The following CCDC38 variants were observed in gnomAD, a reference collection of about 807,000 sequenced individuals.
CCDC38 encodes the protein coiled-coil domain-containing protein 38.
CCDC38 carries 69 observed loss-of-function variants against 72.8 expected under a neutral mutation model. The ratio of observed to expected loss-of-function variants is 0.95; its 90% CI spans 0.78 to 1.16. CCDC38 has a LOEUF of 1.16. Ranked by LOEUF, CCDC38 falls within the 50% of genes most tolerant of loss-of-function variation. The pLI is 0.00. For missense variants in CCDC38, 626 were observed against 638.9 expected (o/e 0.98, Z 0.22); for synonymous variants, 201 against 213.2 (o/e 0.94, Z 0.50).
At chr12:95,875,015 A>G (rs2121417248) in intron 13 of CCDC38, among the ~76,000 whole-genome samples, 1 of 152,348 alleles carries the variant, frequency 6.6e-6, no homozygotes, top group Non-Finnish European at 1.5e-5. Context: ...CACATTGAAC[A>G]GTGGAGCAGT....
At chr12:95,891,358 T>G (rs2079825059) in intron 8 of CCDC38, among the ~76,000 whole-genome samples, 1 of 152,152 alleles carries the variant, frequency 6.6e-6, no homozygotes. Context: ...TTATTTTATT[T>G]TTTTGGGGAC....
intron 3 of CCDC38, 115 bp from the exon 4 acceptor site, chr12:95,917,409 C>T: frequency 1.2e-6 from 1 of 803,856 alleles, no homozygotes; most frequent in Non-Finnish European, 1.9e-6. Flanking sequence ...ATTAAAAAAA[C>T]AACCCCAGGT....
chr12:95,896,453 T>A (rs552624117), intron 7 of CCDC38: 11 of 152,342 alleles, frequency 7.2e-5, no homozygotes, highest in African/African-American at 2.6e-4. Context: ...TATTACTTTG[T>A]ATCAATGTTT....
chr12:95,906,972 C>T (rs552102209), intron 4 of CCDC38, among the ~76,000 whole-genome samples: 2 of 151,230 alleles, frequency 1.3e-5, no homozygotes, highest in South Asian at 4.2e-4. Flanking sequence ...ACCCTGCGGC[C>T]TTCCGCAGCG....
chr12:95,892,719 G>A (rs373679444), intron 8 of CCDC38, among the ~76,000 whole-genome samples: 23 of 151,632 alleles, frequency 1.5e-4, no homozygotes, highest in Admixed American at 1.1e-3. Context: ...ACAGGCATGC[G>A]CCACCATGCC....
intron 7 of CCDC38, 91 bp from the exon 8 acceptor site, chr12:95,895,237 T>A: frequency 1.3e-6 from 1 of 787,332 alleles, no homozygotes; most frequent in Non-Finnish European, 1.9e-6. Flanking sequence ...TTCTCTTATG[T>A]ACTGAATTAA....
At chr12:95,870,012 C>T (rs538031500) in intron 14 of CCDC38, among the ~76,000 whole-genome samples, 2 of 152,128 alleles carry the variant, frequency 1.3e-5, no homozygotes, top group East Asian at 1.9e-4. Flanking sequence ...TTAGTAGAGA[C>T]GGGGTGTCAC....
At chr12:95,923,343 GA>G (rs1226966611) in intron 2 of CCDC38, among the ~76,000 whole-genome samples, 1 of 151,958 alleles carries the variant, frequency 6.6e-6, no homozygotes, top group African/African-American at 2.4e-5. Flanking sequence ...GGTGTTTACA[GA>G]GTCCATGGAC....
At chr12:95,882,605 A>T (rs1381807004) in intron 10 of CCDC38, among the ~76,000 whole-genome samples, 1 of 152,188 alleles carries the variant, frequency 6.6e-6, no homozygotes, top group Non-Finnish European at 1.5e-5. Context: ...AAAGCATTTG[A>T]CATTACAGTC....
intron 10 of CCDC38, among the ~76,000 whole-genome samples, chr12:95,886,515 G>A (rs2079760875): frequency 6.6e-6 from 1 of 151,632 alleles, no homozygotes; most frequent in Non-Finnish European, 1.5e-5. Context: ...CCTATTAAGA[G>A]GATAAAAAAG....
chr12:95,923,685 C>G (rs1409981064), intron 2 of CCDC38, among the ~76,000 whole-genome samples: 1 of 152,114 alleles, frequency 6.6e-6, no homozygotes, highest in Non-Finnish European at 1.5e-5. Flanking sequence ...AATGCTATCC[C>G]TCCCCACTCC....
intron 5 of CCDC38, among the ~76,000 whole-genome samples, chr12:95,901,530 A>G (rs549509537): frequency 6.4e-4 from 97 of 152,298 alleles, no homozygotes; most frequent in Non-Finnish European, 8.8e-4. Context: ...AGACAGAGCA[A>G]AGGGTAAGGA....
chr12:95,884,603 G>T (rs1333922301), intron 10 of CCDC38, among the ~76,000 whole-genome samples: 2 of 152,258 alleles, frequency 1.3e-5, no homozygotes, highest in Non-Finnish European at 1.5e-5. Flanking sequence ...GAGGCTAGAA[G>T]TCAGAAATCA....
rs1298125360 is a variant in CCDC38 at position 95,895,116 on chromosome 12, C to T, written c.645G>A (p.Arg215=). The change falls in exon 8 of 16, where the codon AGG becomes AGA. Residue 215 remains arginine, a synonymous_variant. Transcript: ENST00000344280. ...SEIAKTEFLL[R]EYMKYGFFLL... Reference sequence around the variant, plus strand: ...GAAAAAAACCATATTTCATATACTCCCTGAGGAGGAATTCTGTTTTTGCTA... The same window carrying T: ...GAAAAAAACCATATTTCATATACTCTCTGAGGAGGAATTCTGTTTTTGCTA... The T allele has an allele frequency of 1.2e-6, 2 of 1,608,818 alleles. No homozygotes were observed. The highest frequency in any genetic ancestry group is 1.7e-4 in the Middle Eastern group (1 of 6,052).
intron 9 of CCDC38, 143 bp from the exon 10 acceptor site, chr12:95,888,649 T>A (rs77783810): frequency 0.15 from 94,186 of 631,096 alleles, 8,468 homozygotes; most frequent in Non-Finnish European, 0.18. Context: ...TTTCTTTTTT[T>A]AAAAAATTAT....
At chr12:95,881,362 A>G (rs1209739028) in intron 11 of CCDC38, 123 bp downstream of exon 11, 3 of 672,080 alleles carry the variant, frequency 4.5e-6, no homozygotes, top group African/African-American at 3.8e-5. Flanking sequence ...TATCAAAATT[A>G]TATTTCTTTC....
At chr12:95,893,423 C>CTCCT (rs1565949945) in intron 8 of CCDC38, among the ~76,000 whole-genome samples, 1 of 109,870 alleles carries the variant, frequency 9.1e-6, no homozygotes, top group African/African-American at 3.9e-5. Context: ...CCCTCCCTCC[C>CTCCT]TCCCTCCCTC....
chr12:95,937,342 A>C (rs1173939444), intron 1 of CCDC38, among the ~76,000 whole-genome samples: 1 of 152,144 alleles, frequency 6.6e-6, no homozygotes, highest in East Asian at 1.9e-4. Flanking sequence ...TAATTTATAT[A>C]TTTAAAATAG....
At chr12:95,873,599 G>T (rs1016483369) in intron 13 of CCDC38, among the ~76,000 whole-genome samples, 11 of 152,144 alleles carry the variant, frequency 7.2e-5, no homozygotes, top group Admixed American at 5.9e-4. Flanking sequence ...TTGTGAACCC[G>T]GTGTTTGCAA....
Sources: gnomAD v4.1 joint callset for allele counts (sites outside exome capture counted in the v4.1 genomes callset) on GRCh38, gnomAD v4.1.1 for gene constraint, MANE v1.5 for transcripts, NCBI Gene and HGNC (gene_info 2026-07-23, HGNC 2026-07-21) for gene names.